Variants in ANKS1B observed in about 807,000 individuals in gnomAD.
The protein encoded by ANKS1B is ankyrin repeat and sterile alpha motif domain containing 1B.
A neutral mutation model predicts 148.3 loss-of-function variants in ANKS1B; 36 were observed. The observed-to-expected ratio is 0.24, with a 90% confidence interval of 0.19 to 0.32. The LOEUF is 0.32. Among genes scored for constraint, ANKS1B ranks in the 10% least tolerant of loss-of-function variants. The probability of loss-of-function intolerance (pLI) is 1.00; values close to 1 mark genes in which losing one functional copy is unlikely to be tolerated. For missense variants in ANKS1B, 1,157 were observed against 1,542.6 expected (o/e 0.75, Z 4.19); for synonymous variants, 542 against 560.8 (o/e 0.97, Z 0.47).
At chr12:99,157,677 G>A (rs2076217224) in intron 14 of ANKS1B, among the ~76,000 whole-genome samples, 1 of 152,188 alleles carries the variant, frequency 6.6e-6, no homozygotes, top group Non-Finnish European at 1.5e-5. Context: ...TGGGAGAAGA[G>A]TGAGGGATGG....
At chr12:98,977,603 T>C (rs2099899241) in intron 17 of ANKS1B, among the ~76,000 whole-genome samples, 1 of 152,198 alleles carries the variant, frequency 6.6e-6, no homozygotes, top group Non-Finnish European at 1.5e-5. Context: ...GACTGGCCTA[T>C]AATTAGAAAA....
intron 14 of ANKS1B, among the ~76,000 whole-genome samples, chr12:99,184,418 T>C (rs1159899510): frequency 6.6e-6 from 1 of 152,128 alleles, no homozygotes; most frequent in Non-Finnish European, 1.5e-5. Context: ...GCATAGAACA[T>C]GTACAGAATA....
intron 9 of ANKS1B, among the ~76,000 whole-genome samples, chr12:99,518,944 G>A (rs1008666721): frequency 6.6e-6 from 1 of 151,956 alleles, no homozygotes; most frequent in African/African-American, 2.4e-5. Flanking sequence ...TTTGTTTTGA[G>A]AAATTTTTCA....
chr12:98,982,583 T>G (rs565596006), intron 17 of ANKS1B, among the ~76,000 whole-genome samples: 2 of 152,350 alleles, frequency 1.3e-5, no homozygotes, highest in African/African-American at 4.8e-5. Flanking sequence ...ACACATTTGC[T>G]TGTCACTTCA....
chr12:99,741,789 T>C (rs905039028), intron 8 of ANKS1B, among the ~76,000 whole-genome samples: 2 of 151,964 alleles, frequency 1.3e-5, no homozygotes, highest in Non-Finnish European at 2.9e-5. Flanking sequence ...AAATACCTAA[T>C]GTAGATGAGA....
chr12:99,648,220 C>T, intron 9 of ANKS1B: 1 of 1,614,108 alleles, frequency 6.2e-7, no homozygotes, highest in Non-Finnish European at 8.5e-7. Context: ...CCAAAGCAGC[C>T]CCGCAATGGG....
chr12:99,306,895 T>C (rs1026038125), intron 12 of ANKS1B, among the ~76,000 whole-genome samples: 1 of 152,208 alleles, frequency 6.6e-6, no homozygotes, highest in Admixed American at 6.6e-5. Flanking sequence ...CTAATGGTTT[T>C]TATCTAGTGT....
chr12:99,685,708 A>G (rs987033897), intron 8 of ANKS1B, among the ~76,000 whole-genome samples: 3 of 152,064 alleles, frequency 2.0e-5, no homozygotes, highest in Non-Finnish European at 2.9e-5. Context: ...AAGTGGATAA[A>G]GAAAACGTGG....
intron 12 of ANKS1B, among the ~76,000 whole-genome samples, chr12:99,363,570 AG>A (rs2092605602): frequency 1.3e-5 from 2 of 152,152 alleles, no homozygotes; most frequent in Admixed American, 6.5e-5. Flanking sequence ...CAGGTCATGA[AG>A]CTTAAGCTTC....
intron 1 of ANKS1B, among the ~76,000 whole-genome samples, chr12:99,894,250 T>A (rs1255506692): frequency 1.7e-5 from 2 of 116,012 alleles, no homozygotes; most frequent in African/African-American, 6.8e-5. Context: ...GAGACCCCCA[T>A]CTCGAAAGAA....
chr12:99,827,966 A>G (rs2083418708), intron 1 of ANKS1B, among the ~76,000 whole-genome samples: 1 of 152,222 alleles, frequency 6.6e-6, no homozygotes, highest in African/African-American at 2.4e-5. Context: ...ATGAAAGCAT[A>G]TGTCCATAAA....
At chr12:99,862,851 A>G (rs1024401519) in intron 1 of ANKS1B, among the ~76,000 whole-genome samples, 3 of 152,204 alleles carry the variant, frequency 2.0e-5, no homozygotes, top group African/African-American at 7.2e-5. Context: ...AAGAACAACA[A>G]TGTAAAGGAG....
chr12:98,926,483 T>C (rs896928697), intron 17 of ANKS1B, among the ~76,000 whole-genome samples: 7 of 152,032 alleles, frequency 4.6e-5, no homozygotes, highest in African/African-American at 1.7e-4. Context: ...AACAAGAAGT[T>C]AGGAGACATG....
intron 9 of ANKS1B, among the ~76,000 whole-genome samples, chr12:99,560,157 C>A (rs2097317667): frequency 6.6e-6 from 1 of 152,050 alleles, no homozygotes; most frequent in South Asian, 2.1e-4. Context: ...TAATTCACTG[C>A]TTTCTGAAGA....
intron 1 of ANKS1B, among the ~76,000 whole-genome samples, chr12:99,870,775 T>C (rs1348755950): frequency 6.6e-6 from 1 of 152,216 alleles, no homozygotes. Context: ...GATATTTGGT[T>C]TTTGCTTTTT....
intron 1 of ANKS1B, among the ~76,000 whole-genome samples, chr12:99,934,412 GC>G (rs1275997983): frequency 1.3e-5 from 2 of 152,028 alleles, no homozygotes. Flanking sequence ...GCTTCTCTTT[GC>G]TGGGAGACTT....
intron 14 of ANKS1B, among the ~76,000 whole-genome samples, chr12:99,185,172 G>C (rs1024873389): frequency 6.6e-6 from 1 of 152,124 alleles, no homozygotes; most frequent in Non-Finnish European, 1.5e-5. Context: ...AAAAGTATCA[G>C]ATCATTGACT....
At chr12:99,476,323 G>A (rs1276972763) in intron 10 of ANKS1B, among the ~76,000 whole-genome samples, 1 of 152,104 alleles carries the variant, frequency 6.6e-6, no homozygotes, top group Non-Finnish European at 1.5e-5. Context: ...AACCTGGGAG[G>A]TGCAGGTTGC....
chr12:99,366,384 G>A (rs972515814), intron 12 of ANKS1B, among the ~76,000 whole-genome samples: 7 of 152,130 alleles, frequency 4.6e-5, no homozygotes, highest in Non-Finnish European at 8.8e-5. Flanking sequence ...AGGTCACCTC[G>A]CTGCCCCCAG....
Sources: allele counts gnomAD v4.1 joint callset (sites outside exome capture counted in the v4.1 genomes callset), GRCh38; gene constraint gnomAD v4.1.1; transcripts MANE v1.5; gene names NCBI Gene and HGNC (gene_info 2026-07-23, HGNC 2026-07-21).